Variants in EML6 observed in about 807,000 individuals in gnomAD.
The protein encoded by EML6 is EMAP like 6.
A neutral mutation model predicts 240.1 loss-of-function variants in EML6; 154 were observed. That is an observed-to-expected ratio of 0.64 (90% confidence interval 0.56 to 0.73). The LOEUF (loss-of-function observed/expected upper bound fraction) is 0.73. Ranked by LOEUF, EML6 falls within the 30% of genes least tolerant of loss-of-function variation. The pLI is 0.00. For missense variants in EML6, 2,964 were observed against 2,474.6 expected, an observed-to-expected ratio of 1.20 and a Z score of -4.20; for synonymous variants, 1,148 against 899.0, an observed-to-expected ratio of 1.28 and a Z score of -4.95.
At chr2:54,815,144 A>G (rs956963180) in intron 3 of EML6, among the ~76,000 whole-genome samples, 1 of 152,228 alleles carries the variant, frequency 6.6e-6, no homozygotes, top group Non-Finnish European at 1.5e-5. Context: ...TCCAGCTTTA[A>G]AAATCCAGCT....
At chr2:54,965,371 T>C (rs893697635) in intron 38 of EML6, among the ~76,000 whole-genome samples, 3 of 152,182 alleles carry the variant, frequency 2.0e-5, no homozygotes, top group African/African-American at 7.2e-5. Flanking sequence ...TGCTAGACTT[T>C]TAGATGGACA....
chr2:54,881,008 A>C (rs1238905893), intron 17 of EML6: 1 of 152,198 alleles, frequency 6.6e-6, no homozygotes, highest in Admixed American at 6.5e-5. Context: ...GGATAGTGTT[A>C]CTGCCTCTAT....
chr2:54,913,082 T>TTG (rs1163898044), intron 25 of EML6, among the ~76,000 whole-genome samples: 1 of 151,540 alleles, frequency 6.6e-6, no homozygotes, highest in Non-Finnish European at 1.5e-5. Context: ...TTTTTTTTTT[T>TTG]TTTTTTTTTA....
At position 54,966,716 on chromosome 2, in the gene EML6, T is replaced by G. The variant is rs536445890; in HGVS notation, c.5494-284T>G. On this transcript the variant is annotated intron_variant, in intron 38 of 41. Coordinates refer to ENST00000356458, the MANE Select transcript of EML6 (RefSeq NM_001039753.4). ...CCCAAAAATTTGCATTTCTAACACA[T>G]TTCTAGATGCAGCTGACGTTGCTGG... 7.4e-5 allele frequency: 15 copies of G among 201,724 alleles called. No homozygotes were observed. The South Asian group carries it at 1.7e-3, about 23-fold the overall frequency. 12.5% of individuals were successfully genotyped at this position (201,724 alleles called of 1,614,324 possible).
At chr2:54,903,636 TAATTTTAC>T in intron 24 of EML6, 134 bp downstream of exon 24, 1 of 756,660 alleles carries the variant, frequency 1.3e-6, no homozygotes, top group South Asian at 2.3e-5. Flanking sequence ...TAAACGACTG[TAATTTTAC>T]AACCCAGAGG....
At chr2:54,755,852 G>C (rs1667696813) in intron 2 of EML6, among the ~76,000 whole-genome samples, 1 of 151,958 alleles carries the variant, frequency 6.6e-6, no homozygotes, top group East Asian at 1.9e-4. Flanking sequence ...TAGAGACGGA[G>C]TTTCATCATG....
chr2:54,909,645 A>G (rs895346735), intron 24 of EML6, among the ~76,000 whole-genome samples: 2 of 152,132 alleles, frequency 1.3e-5, no homozygotes, highest in Non-Finnish European at 2.9e-5. Context: ...CAGGAGTTCA[A>G]GACCACCCTG....
intron 13 of EML6, among the ~76,000 whole-genome samples, chr2:54,864,418 A>G (rs776272973): frequency 2.0e-5 from 3 of 152,244 alleles, no homozygotes; most frequent in South Asian, 2.1e-4. Context: ...TACCTCTAGT[A>G]GGAAAGCTGA....
At chr2:54,935,774 G>T (rs1172622589) in intron 28 of EML6, among the ~76,000 whole-genome samples, 2 of 152,192 alleles carry the variant, frequency 1.3e-5, no homozygotes, top group Admixed American at 1.3e-4. Flanking sequence ...ACTTTGGAAG[G>T]CTGAGGTGGG....
At position 54,853,538 on chromosome 2, in the gene EML6, G is replaced by T. The variant is rs1670206284; in HGVS notation, c.1445-105G>T. The T allele has an allele frequency of 6.4e-6, 5 of 776,888 alleles. No homozygotes were observed. The South Asian group carries it at 1.4e-4, about 22-fold the overall frequency. The allele number at this position is 776,888 out of a possible 1,614,324, so 48.1% of individuals were successfully genotyped here. ...TGGGATAAAGAGATTAAAATATGTAGTTTTCTGTATTTACAAAAGTTTTCT... is the reference window on the plus strand; with the variant it reads ...TGGGATAAAGAGATTAAAATATGTATTTTTCTGTATTTACAAAAGTTTTCT... On this transcript the variant is annotated intron_variant, in intron 10 of 41. Coordinates refer to ENST00000356458, the MANE Select transcript of EML6 (RefSeq NM_001039753.4).
At chr2:54,795,760 C>T (rs536028158) in intron 2 of EML6, among the ~76,000 whole-genome samples, 10 of 152,100 alleles carry the variant, frequency 6.6e-5, no homozygotes, top group Non-Finnish European at 1.3e-4. Context: ...TGATTTCCCC[C>T]GAATTCAATA....
chr2:54,801,930 T>C (rs898892770), intron 2 of EML6, among the ~76,000 whole-genome samples: 2 of 152,248 alleles, frequency 1.3e-5, no homozygotes, highest in Non-Finnish European at 2.9e-5. Context: ...TTTTTCATGA[T>C]CTTTCTTGTC....
chr2:54,894,985 C>T lies in EML6; in HGVS notation c.2813C>T (p.Thr938Ile). The T allele has an allele frequency of 6.4e-6, 10 of 1,551,480 alleles. No individual in the cohort carries two copies. Among genetic ancestry groups the T allele is most frequent in the African/African-American group, 1.4e-5 (1 of 73,134 alleles). ...GATATGTTTGAAAGATGTTTGAAGA[C>T]TTATGCCATTAAAAGATCAGCATTG... is the stretch of plus-strand genomic sequence containing the variant. ...WDDMFERCLK[T>I]YAIKRSALST... The change falls in exon 20 of 42, where the codon ACT becomes ATT. Residue 938 changes from threonine to isoleucine, a missense_variant. By Grantham distance (89) the Thr-to-Ile change is moderately conservative. Transcript: ENST00000356458.
Position 54,928,425 on chromosome 2 carries a change from T to G in EML6, c.3788T>G (p.Leu1263Arg). Residue 1263 changes from leucine to arginine, a missense_variant, in exon 27 of 42, where the codon CTG becomes CGG. Coordinates refer to ENST00000356458, the MANE Select transcript of EML6 (RefSeq NM_001039753.4). ...ACGGTGGGCGGCGCCGACACAGCCCTGATGATCTGGACCAGGGAGTTTGTG... is the reference window on the plus strand; with the variant it reads ...ACGGTGGGCGGCGCCGACACAGCCCGGATGATCTGGACCAGGGAGTTTGTG... The part of the protein sequence containing the change: ...LLTVGGADTA[L>R]MIWTREFVGT... 1 of 1,547,526 alleles carries G rather than the reference T, an allele frequency of 6.5e-7. No homozygotes were observed. Among genetic ancestry groups the G allele is most frequent in the Non-Finnish European group, 8.7e-7 (1 of 1,145,290 alleles).
chr2:54,920,782 C>G (rs1226329308), intron 26 of EML6, among the ~76,000 whole-genome samples: 1 of 152,080 alleles, frequency 6.6e-6, no homozygotes, highest in Non-Finnish European at 1.5e-5. Context: ...AAACCAAATT[C>G]AACAGCACAT....
chr2:54,894,893 CCT>C lies in EML6; in HGVS notation c.2743-18_2743-17del, dbSNP rs1196782878. 3 of 1,505,640 alleles carry C rather than the reference CCT, an allele frequency of 2.0e-6. No homozygotes were observed. The East Asian group carries it at 7.4e-5, about 37-fold the overall frequency. The allele number at this position is 1,505,640 out of a possible 1,614,324, so 93.3% of individuals were successfully genotyped here. A position where few individuals can be genotyped will look rare whatever the true frequency, so the allele number is the denominator to read the frequency against. ...TGGTCATTTTGATGTGTATATAATA[CCT>C]CTCATGTGTGCCTTCACAGGGCTTT... is the stretch of plus-strand genomic sequence containing the variant. On this transcript the variant is annotated intron_variant, in intron 19 of 41. Coordinates refer to ENST00000356458, the MANE Select transcript of EML6 (RefSeq NM_001039753.4).
Position 54,899,759 on chromosome 2 carries a change from T to C in EML6, c.3101T>C (p.Leu1034Pro). 6.4e-7 allele frequency: 1 copy of C among 1,551,564 alleles called. No individual in the cohort carries two copies. The highest frequency in any genetic ancestry group is 8.7e-7 in the Non-Finnish European group (1 of 1,146,886). ...IWELSAQHRM[L>P]AVRKLKKGGR... Reference sequence around the variant, plus strand: ...GAACTATCTGCCCAGCACCGTATGCTGGCAGTACGGAAACTCAAAAAAGGT... The same window carrying C: ...GAACTATCTGCCCAGCACCGTATGCCGGCAGTACGGAAACTCAAAAAAGGT... The change falls in exon 22 of 42, where the codon CTG becomes CCG. Residue 1034 changes from leucine to proline, a missense_variant. Transcript: ENST00000356458.
chr2:54,808,710 TTTGTTG>T (rs367668765), intron 2 of EML6, among the ~76,000 whole-genome samples: 11 of 152,288 alleles, frequency 7.2e-5, no homozygotes, highest in African/African-American at 2.6e-4. Context: ...TGATGAGTGT[TTTGTTG>T]TTGTTGTTAA....
At chr2:54,884,982 C>T (rs952130958) in intron 17 of EML6, among the ~76,000 whole-genome samples, 1 of 151,454 alleles carries the variant, frequency 6.6e-6, no homozygotes, top group Non-Finnish European at 1.5e-5. Flanking sequence ...CAGATCAGCC[C>T]GGCCCCCGTC....
Sources: gnomAD v4.1 joint callset for allele counts (sites outside exome capture counted in the v4.1 genomes callset) on GRCh38, gnomAD v4.1.1 for gene constraint, MANE v1.5 for transcripts, NCBI Gene and HGNC (gene_info 2026-07-23, HGNC 2026-07-21) for gene names.